Variants in EPHA4 observed in about 807,000 individuals in gnomAD.
EPHA4 encodes EPH receptor A4, also known as ephrin type-A receptor 4.
EPHA4 carries 19 observed loss-of-function variants against 108.3 expected under a neutral mutation model. The observed-to-expected ratio is 0.18, with a 90% CI of 0.12 to 0.26. EPHA4 has a LOEUF of 0.26. Ranked by LOEUF, EPHA4 falls within the 10% of genes least tolerant of loss-of-function variation. The pLI is 1.00. For missense variants in EPHA4, 917 were observed against 1,254.0 expected (o/e 0.73, Z 4.06); for synonymous variants, 449 against 455.5 (o/e 0.99, Z 0.18).
chr2:221,521,892 G>T (rs1364555191), intron 3 of EPHA4, among the ~76,000 whole-genome samples: 1 of 152,154 alleles, frequency 6.6e-6, no homozygotes, highest in South Asian at 2.1e-4. Context: ...CATGAGAATC[G>T]CTTGAACCCA....
chr2:221,521,000 T>C (rs1357359293), intron 3 of EPHA4, among the ~76,000 whole-genome samples: 2 of 152,244 alleles, frequency 1.3e-5, no homozygotes, highest in Non-Finnish European at 2.9e-5. Flanking sequence ...TGTTTTGTTA[T>C]ATTGCGCCCC....
intron 3 of EPHA4, among the ~76,000 whole-genome samples, chr2:221,541,919 A>G (rs1286700619): frequency 1.3e-5 from 2 of 152,242 alleles, no homozygotes; most frequent in East Asian, 3.8e-4. Flanking sequence ...CAAATGTTCT[A>G]CAATAAACAG....
chr2:221,532,230 C>A (rs1693545226), intron 3 of EPHA4, among the ~76,000 whole-genome samples: 1 of 151,916 alleles, frequency 6.6e-6, no homozygotes, highest in African/African-American at 2.4e-5. Flanking sequence ...TCAAGCAATT[C>A]TCCTGCCTCA....
intron 13 of EPHA4, 146 bp from the exon 14 acceptor site, chr2:221,434,437 G>A (rs1036350498): frequency 1.4e-5 from 11 of 806,286 alleles, no homozygotes; most frequent in Middle Eastern, 2.5e-4. Flanking sequence ...TCATTTTAAC[G>A]CAAGTCTTCC....
chr2:221,427,439 C>T (rs966101059), intron 15 of EPHA4, among the ~76,000 whole-genome samples: 1 of 152,166 alleles, frequency 6.6e-6, no homozygotes, highest in Non-Finnish European at 1.5e-5. Context: ...ATGATATTGA[C>T]ATATAAAAAA....
upstream of EPHA4, chr2:221,572,415 G>GA (rs2106218078): frequency 2.4e-6 from 1 of 419,750 alleles, no homozygotes; most frequent in East Asian, 3.7e-5. Context: ...CAGGGCGGCC[G>GA]AGCCCCGCCT....
intron 8 of EPHA4, among the ~76,000 whole-genome samples, chr2:221,451,051 T>C (rs1374018680): frequency 6.6e-6 from 1 of 152,132 alleles, no homozygotes; most frequent in Admixed American, 6.5e-5. Flanking sequence ...CTGTCTCTAC[T>C]ACACATACAA....
At chr2:221,514,610 T>C (rs1463872628) in intron 3 of EPHA4, among the ~76,000 whole-genome samples, 2 of 152,180 alleles carry the variant, frequency 1.3e-5, no homozygotes, top group African/African-American at 4.8e-5. Flanking sequence ...TTTATCTTTG[T>C]TGGGAGGGAC....
At chr2:221,449,278 T>C (rs1370222438) in intron 8 of EPHA4, among the ~76,000 whole-genome samples, 1 of 152,120 alleles carries the variant, frequency 6.6e-6, no homozygotes, top group African/African-American at 2.4e-5. Flanking sequence ...GTGTGGCCCA[T>C]TATCATCCCA....
intron 17 of EPHA4, among the ~76,000 whole-genome samples, chr2:221,424,039 A>G (rs967149205): frequency 6.6e-6 from 1 of 152,032 alleles, no homozygotes; most frequent in Non-Finnish European, 1.5e-5. Flanking sequence ...GCTTGAGCCC[A>G]GGAGGCCAAG....
At chr2:221,514,212 T>G (rs1692925776) in intron 3 of EPHA4, among the ~76,000 whole-genome samples, 2 of 152,130 alleles carry the variant, frequency 1.3e-5, no homozygotes, top group Middle Eastern at 3.2e-3. Context: ...GAAGGTCCTC[T>G]GCACCCAGTT....
At chr2:221,439,810 G>C (rs1690359857) in intron 11 of EPHA4, among the ~76,000 whole-genome samples, 2 of 152,196 alleles carry the variant, frequency 1.3e-5, no homozygotes, top group African/African-American at 2.4e-5. Context: ...TGGAGCTGTG[G>C]AGACGACAGG....
intron 3 of EPHA4, among the ~76,000 whole-genome samples, chr2:221,524,654 T>C (rs1196322422): frequency 6.6e-6 from 1 of 152,246 alleles, no homozygotes; most frequent in African/African-American, 2.4e-5. Context: ...TACCAAATGC[T>C]TAATCATCTA....
chr2:221,538,470 CT>C (rs1198091389), intron 3 of EPHA4, among the ~76,000 whole-genome samples: 2 of 152,124 alleles, frequency 1.3e-5, no homozygotes, highest in Non-Finnish European at 2.9e-5. Context: ...TTTATTCTTA[CT>C]ATTATAGTCA....
intron 3 of EPHA4, among the ~76,000 whole-genome samples, chr2:221,531,466 G>T (rs1693510968): frequency 6.6e-6 from 1 of 152,066 alleles, no homozygotes; most frequent in Non-Finnish European, 1.5e-5. Context: ...CCCTTAGGCA[G>T]AAATTTCATA....
At chr2:221,500,078 G>A (rs775809985) in intron 4 of EPHA4, among the ~76,000 whole-genome samples, 33 of 152,022 alleles carry the variant, frequency 2.2e-4, no homozygotes, top group Non-Finnish European at 2.5e-4. Context: ...ATATGAAATG[G>A]CATCATCCTA....
upstream of EPHA4, chr2:221,572,368 C>T (rs1574672235): frequency 2.3e-6 from 2 of 861,990 alleles, no homozygotes; most frequent in Non-Finnish European, 3.6e-6. Flanking sequence ...TGACGTGAGC[C>T]CGCCAGTCCG....
chr2:221,543,568 G>A (rs900581072), intron 3 of EPHA4, among the ~76,000 whole-genome samples: 1 of 152,200 alleles, frequency 6.6e-6, no homozygotes, highest in East Asian at 1.9e-4. Flanking sequence ...GCTTCAACAT[G>A]GCTCTAAGCC....
intron 3 of EPHA4, among the ~76,000 whole-genome samples, chr2:221,553,658 A>C (rs574153195): frequency 6.6e-6 from 1 of 152,372 alleles, no homozygotes; most frequent in South Asian, 2.1e-4. Flanking sequence ...TATTCACAGA[A>C]ACAAGCCATG....
Sources: gnomAD v4.1 joint callset for allele counts (sites outside exome capture counted in the v4.1 genomes callset) on GRCh38, gnomAD v4.1.1 for gene constraint, MANE v1.5 for transcripts, NCBI Gene and HGNC (gene_info 2026-07-23, HGNC 2026-07-21) for gene names.